The following NEDD4 variants were observed in gnomAD, a reference collection of about 807,000 sequenced individuals.
The protein encoded by NEDD4 is NEDD4 E3 ubiquitin protein ligase, also known as E3 ubiquitin-protein ligase NEDD4.
Under a neutral mutation model 144.9 loss-of-function variants are expected in NEDD4, and 99 were observed. That is an observed-to-expected ratio of 0.68 (90% CI 0.58 to 0.81). NEDD4 has a LOEUF of 0.81. NEDD4 is among the 30% of genes least tolerant of loss of function. The pLI is 0.00. For synonymous variants in NEDD4, 318 were observed against 350.6 expected, an observed-to-expected ratio of 0.91 and a Z score of 1.04; for missense variants, 985 against 1,065.9, an observed-to-expected ratio of 0.92 and a Z score of 1.06.
In NEDD4 at chr15:55,833,173, T is replaced by C. The variant is rs1164100854; in HGVS notation, c.2431-69A>G. The C allele has an allele frequency of 1.4e-5, 13 of 960,224 alleles. No individual in the cohort carries two copies. The South Asian group carries it at 1.5e-4, about 11-fold the overall frequency. 59.5% of individuals were successfully genotyped at this position (960,224 alleles called of 1,614,324 possible). ...GAGGTAAACAAATTATCCTGAAACA[T>C]AAGCTATCGGAATTTAGAATATTAA... On this transcript the variant is annotated intron_variant, in intron 26 of 28. Transcript: ENST00000435532.
At chr15:55,933,329 A>T (rs1221838869) in intron 4 of NEDD4, among the ~76,000 whole-genome samples, 3 of 152,048 alleles carry the variant, frequency 2.0e-5, no homozygotes, top group African/African-American at 7.2e-5. Context: ...GCAGATATAC[A>T]CTGTGGAATA....
chr15:55,833,380 G>A (rs12102020), intron 26 of NEDD4, among the ~76,000 whole-genome samples: 49,868 of 151,976 alleles, frequency 0.33, 8,342 homozygotes, highest in South Asian at 0.42. Flanking sequence ...ATTATATGCT[G>A]GGTGCAGTGG....
chr15:55,956,708 C>G (rs1410595976), intron 2 of NEDD4, among the ~76,000 whole-genome samples: 1 of 152,144 alleles, frequency 6.6e-6, no homozygotes, highest in Non-Finnish European at 1.5e-5. Flanking sequence ...CTTATTATAA[C>G]TGTGTAGCAA....
chr15:55,850,114 A>G (rs2033923764), intron 14 of NEDD4, among the ~76,000 whole-genome samples: 1 of 152,094 alleles, frequency 6.6e-6, no homozygotes, highest in Non-Finnish European at 1.5e-5. Context: ...TAATTTTTCT[A>G]TTAGTAGTAA....
chr15:55,964,868 T>G (rs1359692385), intron 2 of NEDD4, among the ~76,000 whole-genome samples: 2 of 152,150 alleles, frequency 1.3e-5, no homozygotes, highest in African/African-American at 4.8e-5. Context: ...CCTGAATAGA[T>G]TAATGCCCTC....
At chr15:55,850,490 T>A in intron 14 of NEDD4, 52 bp downstream of exon 14, 1 of 1,545,690 alleles carries the variant, frequency 6.5e-7, no homozygotes. Context: ...GAACTATACA[T>A]AAGAGATGAT....
intron 1 of NEDD4, among the ~76,000 whole-genome samples, chr15:55,993,305 C>T (rs80256079): frequency 1.3e-5 from 2 of 152,088 alleles, no homozygotes; most frequent in African/African-American, 4.8e-5. Flanking sequence ...ACCCGACAAG[C>T]TTGCTCCCTC....
intron 1 of NEDD4, among the ~76,000 whole-genome samples, chr15:55,975,133 T>C (rs749030952): frequency 2.6e-5 from 4 of 152,002 alleles, no homozygotes; most frequent in Non-Finnish European, 5.9e-5. Context: ...CCTCAGGCAA[T>C]CCACCCACCT....
intron 1 of NEDD4, among the ~76,000 whole-genome samples, chr15:55,967,468 GTGTGTGTA>G (rs1202670258): frequency 9.5e-5 from 14 of 146,614 alleles, no homozygotes; most frequent in East Asian, 2.1e-4. Context: ...GTGTGTGTGT[GTGTGTGTA>G]TGTGTGTGTA....
At chr15:55,968,635 A>G (rs970565648) in intron 1 of NEDD4, among the ~76,000 whole-genome samples, 10 of 152,214 alleles carry the variant, frequency 6.6e-5, no homozygotes, top group African/African-American at 2.4e-4. Flanking sequence ...ATACATGAAA[A>G]GATAATCTCA....
intron 5 of NEDD4, among the ~76,000 whole-genome samples, chr15:55,882,060 A>G (rs1181104356): frequency 6.6e-6 from 1 of 152,226 alleles, no homozygotes; most frequent in African/African-American, 2.4e-5. Flanking sequence ...ACAAACGTGC[A>G]GAAGTCTCTT....
In NEDD4 at chr15:55,887,971, C is replaced by T. The variant is rs571379576; in HGVS notation, c.292-13963G>A. Among the ~76,000 whole-genome samples the T allele has an allele frequency of 4.6e-5, 7 of 152,062 alleles. No homozygotes were observed. The East Asian group carries it at 5.8e-4, about 13-fold the overall frequency. ...GATAAAACACTACAAAAAATGGTAT[C>T]GAAGAAATATAGCTCAACATAACAA... On this transcript the variant is annotated intron_variant, in intron 5 of 28. Coordinates refer to ENST00000435532, the MANE Select transcript of NEDD4 (RefSeq NM_006154.4).
chr15:55,843,329 T>G (rs186596291), intron 18 of NEDD4, among the ~76,000 whole-genome samples: 1 of 152,362 alleles, frequency 6.6e-6, no homozygotes, highest in Admixed American at 6.5e-5. Context: ...AAGCTACTAT[T>G]ATTGTCTTCA....
chr15:55,846,495 A>G (rs1374405990), intron 18 of NEDD4, among the ~76,000 whole-genome samples: 2 of 152,246 alleles, frequency 1.3e-5, no homozygotes, highest in African/African-American at 4.8e-5. Context: ...TCACAAGAGC[A>G]CAGTTCCACT....
At chr15:55,925,550 T>C (rs1260856018) in intron 4 of NEDD4, among the ~76,000 whole-genome samples, 2 of 152,228 alleles carry the variant, frequency 1.3e-5, no homozygotes, top group East Asian at 1.9e-4. Context: ...ACAAGCAATA[T>C]TTTGTTTTTC....
chr15:55,935,213 T>C (rs560612053), intron 4 of NEDD4, among the ~76,000 whole-genome samples: 2 of 152,164 alleles, frequency 1.3e-5, no homozygotes, highest in Admixed American at 6.6e-5. Context: ...CTGAAATGAA[T>C]TATCTATAAC....
intron 7 of NEDD4, among the ~76,000 whole-genome samples, chr15:55,870,012 A>C (rs1268772423): frequency 3.9e-5 from 6 of 152,154 alleles, no homozygotes; most frequent in Admixed American, 3.9e-4. Context: ...TACCTGTGGC[A>C]GTAGAGGAAA....
At chr15:55,917,145 C>T in intron 5 of NEDD4, 1 of 1,098,956 alleles carries the variant, frequency 9.1e-7, no homozygotes. Flanking sequence ...CTGACTCAAA[C>T]ACAGCCAACC....
intron 5 of NEDD4, among the ~76,000 whole-genome samples, chr15:55,895,970 A>C (rs768342269): frequency 6.6e-6 from 1 of 152,234 alleles, no homozygotes; most frequent in Middle Eastern, 3.2e-3. Context: ...GGTAGGTTTT[A>C]TACGAGGCAT....
Sources: gnomAD v4.1 joint callset for allele counts (sites outside exome capture counted in the v4.1 genomes callset) on GRCh38, gnomAD v4.1.1 for gene constraint, MANE v1.5 for transcripts, NCBI Gene and HGNC (gene_info 2026-07-23, HGNC 2026-07-21) for gene names.